LAMP1: variants seen among roughly 807,000 people sequenced by gnomAD.
LAMP1 encodes the protein lysosome associated membrane protein 1.
A neutral mutation model predicts 37.5 loss-of-function variants in LAMP1; 7 were observed. That is an observed-to-expected ratio of 0.19 (90% CI 0.11 to 0.35). The LOEUF (loss-of-function observed/expected upper bound fraction) is 0.35. Among genes scored for constraint, LAMP1 ranks in the 10% least tolerant of loss-of-function variants. LAMP1 has a pLI of 1.00. For missense variants in LAMP1, 537 were observed against 552.8 expected (o/e 0.97, Z 0.29); for synonymous variants, 236 against 229.1 (o/e 1.03, Z -0.27).
chr13:113,299,232 C>T (rs1206533239), intron 1 of LAMP1, among the ~76,000 whole-genome samples: 3 of 152,042 alleles, frequency 2.0e-5, no homozygotes, highest in East Asian at 3.9e-4. Context: ...AATCAGTCTT[C>T]TAAGATCTGT....
rs1345096851 is a variant in LAMP1, at chr13:113,322,761, T to C, written c.*340T>C. Reference sequence around the variant, plus strand: ...TCTCTGAGGGGTGGGGGTGCCGCTCTCTCTGAGGGGGTGGGGGTGCCGCTT... The same window carrying C: ...TCTCTGAGGGGTGGGGGTGCCGCTCCCTCTGAGGGGGTGGGGGTGCCGCTT... On this transcript the variant is annotated 3_prime_UTR_variant, in exon 9 of 9. Coordinates refer to ENST00000332556, the MANE Select transcript of LAMP1 (RefSeq NM_005561.4). 5 of 52,444 alleles carry C rather than the reference T, an allele frequency of 9.5e-5. No individual in the cohort carries two copies. The highest frequency in any genetic ancestry group is 4.4e-4 in the African/African-American group (5 of 11,236). The allele number at this position is 52,444 out of a possible 1,614,324, so 3.2% of individuals were successfully genotyped here. A position where few individuals can be genotyped will look rare whatever the true frequency, so the allele number is the denominator to read the frequency against.
rs191812061 is a variant in LAMP1, at chr13:113,310,807, G to A, written c.502G>A (p.Val168Ile). ...GTQVHMNNVT[V>I]TLHDATIQAY... ...CCAGGTCCACATGAACAACGTGACC[G>A]TAACGCTCCATGATGCCACCATCCA... The change falls in exon 4 of 9, where the codon GTA (valine) becomes ATA (isoleucine). Residue 168 changes from valine to isoleucine, a missense_variant. Coordinates refer to ENST00000332556, the MANE Select transcript of LAMP1 (RefSeq NM_005561.4). 58 of 1,613,840 alleles carry A rather than the reference G, an allele frequency of 3.6e-5. No individual in the cohort carries two copies. The highest frequency in any genetic ancestry group is 1.0e-4 in the Admixed American group (6 of 59,980).
intron 1 of LAMP1, among the ~76,000 whole-genome samples, chr13:113,301,858 C>CTTT (rs539321614): frequency 1.3e-5 from 1 of 74,328 alleles, no homozygotes; most frequent in African/African-American, 5.1e-5. Flanking sequence ...GATGTGATTT[C>CTTT]TTTTTTTTTT....
At position 113,321,740 on chromosome 13, in the gene LAMP1, G is replaced by C. The variant is rs769375292; in HGVS notation, c.1114+13G>C. On this transcript the variant is annotated intron_variant, in intron 8 of 8. Coordinates refer to ENST00000332556, the MANE Select transcript of LAMP1 (RefSeq NM_005561.4). The surrounding 1 kb of genome is among the most constrained non-coding windows in gnomAD (Gnocchi z 5.6). Reference sequence around the variant, plus strand: ...CAGTTTGGCTCTGGTGAGTGTCACCGAGGGCAGCTGTCGCGGGGTGTGGAG... The same window carrying C: ...CAGTTTGGCTCTGGTGAGTGTCACCCAGGGCAGCTGTCGCGGGGTGTGGAG... 2 of 1,612,682 alleles carry C rather than the reference G, an allele frequency of 1.2e-6. No homozygotes were observed. Among genetic ancestry groups the C allele is most frequent in the Non-Finnish European group, 1.7e-6 (2 of 1,179,722 alleles).
At chr13:113,319,392 T>C in intron 4 of LAMP1, 77 bp from the exon 5 acceptor site, 1 of 1,340,536 alleles carries the variant, frequency 7.5e-7, no homozygotes. Flanking sequence ...TAGTTTTGTT[T>C]CTGAGTTTGG....
intron 4 of LAMP1, 52 bp from the exon 5 acceptor site, chr13:113,319,417 G>A: frequency 6.7e-7 from 1 of 1,487,326 alleles, no homozygotes; most frequent in Admixed American, 2.0e-5. Context: ...TACTGTAACT[G>A]CTGATGGTTA....
chr13:113,303,678 T>C (rs2042585078), intron 1 of LAMP1, among the ~76,000 whole-genome samples: 2 of 152,212 alleles, frequency 1.3e-5, no homozygotes, highest in African/African-American at 4.8e-5. Flanking sequence ...AAGTTTATTT[T>C]AATAACTCAA....
In LAMP1 at chr13:113,321,363, A is replaced by G. The variant is rs187470250; in HGVS notation, c.877-41A>G. On this transcript the variant is annotated intron_variant, in intron 6 of 8. Transcript: ENST00000332556. The surrounding 1 kb of genome is among the most constrained non-coding windows in gnomAD (Gnocchi z 5.6). ...TACTGGGGTTAAAGATCATCTTTCTATGAATCTGCTCCGTGATTAAAGATC... is the reference window on the plus strand; with the variant it reads ...TACTGGGGTTAAAGATCATCTTTCTGTGAATCTGCTCCGTGATTAAAGATC... The G allele has an allele frequency of 5.3e-5, 80 of 1,500,636 alleles. 1 individual carries two copies. In the Middle Eastern group the frequency reaches 6.8e-4, roughly 13 times the overall value. 93.0% of individuals were successfully genotyped at this position (1,500,636 alleles called of 1,614,324 possible). A position where few individuals can be genotyped will look rare whatever the true frequency, so the allele number is the denominator to read the frequency against.
intron 1 of LAMP1, among the ~76,000 whole-genome samples, chr13:113,300,813 C>CA (rs979704771): frequency 6.6e-6 from 1 of 151,900 alleles, no homozygotes; most frequent in Non-Finnish European, 1.5e-5. Context: ...GACTCCATCT[C>CA]AAAAAAACAA....
intron 1 of LAMP1, among the ~76,000 whole-genome samples, chr13:113,298,142 C>T (rs2042552464): frequency 6.6e-6 from 1 of 152,186 alleles, no homozygotes; most frequent in Admixed American, 6.5e-5. Context: ...TGAGGGAAAG[C>T]TGGCCTCAGA....
intron 1 of LAMP1, 125 bp from the exon 2 acceptor site, chr13:113,306,360 A>AG: frequency 8.3e-7 from 1 of 1,208,100 alleles, no homozygotes; most frequent in Non-Finnish European, 1.1e-6. Context: ...TCTCAAAAAA[A>AG]AAAAAAGAGA....
intron 2 of LAMP1, among the ~76,000 whole-genome samples, chr13:113,308,176 A>G (rs971643651): frequency 2.0e-4 from 31 of 151,644 alleles, no homozygotes; most frequent in African/African-American, 7.3e-4. Context: ...CACCATGGCC[A>G]GCTAATTATT....
intron 1 of LAMP1, among the ~76,000 whole-genome samples, chr13:113,298,058 G>A (rs1227117679): frequency 2.6e-5 from 4 of 152,202 alleles, no homozygotes; most frequent in Non-Finnish European, 5.9e-5. Context: ...TTATGTTATT[G>A]TGAATTCACA....
intron 2 of LAMP1, among the ~76,000 whole-genome samples, chr13:113,306,834 C>CTTTTTTTTTTTTTTTTTT (rs780041684): frequency 3.7e-5 from 3 of 80,142 alleles, no homozygotes; most frequent in Non-Finnish European, 4.3e-5. Flanking sequence ...GAACATTTTC[C>CTTTTTTTTTTTTTTTTTT]TTTTTTTTTT....
intron 1 of LAMP1, among the ~76,000 whole-genome samples, chr13:113,303,190 T>C (rs954582466): frequency 1.3e-5 from 2 of 152,228 alleles, no homozygotes; most frequent in African/African-American, 4.8e-5. Context: ...GGGATTGGGC[T>C]CTGCTACTGG....
In LAMP1 at chr13:113,320,559, T is replaced by C; in HGVS notation, c.876+89T>C. ...CTGGGTCTGCTCATGGGAGGCAGCG[T>C]TAGGAAGGAGGCGGCCTCACTTTTT... On this transcript the variant is annotated intron_variant, in intron 6 of 8. Transcript: ENST00000332556. The surrounding 1 kb of genome is among the most constrained non-coding windows in gnomAD (Gnocchi z 4.4). The C allele has an allele frequency of 6.9e-7, 1 of 1,445,968 alleles. No homozygotes were observed. Among genetic ancestry groups the C allele is most frequent in the Non-Finnish European group, 9.4e-7 (1 of 1,068,502 alleles). 89.6% of individuals were successfully genotyped at this position (1,445,968 alleles called of 1,614,324 possible). A position where few individuals can be genotyped will look rare whatever the true frequency, so the allele number is the denominator to read the frequency against.
In LAMP1 at chr13:113,321,899, A is replaced by G. The variant is rs888608024; in HGVS notation, c.1114+172A>G. ...AGAGGTAACTCCCCCTGCTTTAGAG[A>G]GGCCCAGCGTGTCTCTCAGCTGGGA... On this transcript the variant is annotated intron_variant, in intron 8 of 8. Transcript: ENST00000332556. The surrounding 1 kb of genome is among the most constrained non-coding windows in gnomAD (Gnocchi z 5.6). The G allele has an allele frequency of 2.8e-5, 18 of 652,066 alleles. No homozygotes were observed. Among genetic ancestry groups the G allele is most frequent in the Non-Finnish European group, 3.9e-5 (15 of 384,402 alleles). The allele number at this position is 652,066 out of a possible 1,614,324, so 40.4% of individuals were successfully genotyped here.
Position 113,319,489 on chromosome 13 carries a change from A to G in LAMP1, c.583A>G (p.Arg195Gly), listed in dbSNP as rs1262563947. The change falls in exon 5 of 9, where the codon AGG (arginine) becomes GGG (glycine). Residue 195 changes from arginine (R) to glycine (G), a missense_variant. Arg to Gly is a moderately radical substitution (Grantham distance 125). Transcript: ENST00000332556. ...TGCAGAGACACGCTGTGAACAAGACAGGCCTTCCCCAACCACAGCGCCCCC... is the reference window on the plus strand; with the variant it reads ...TGCAGAGACACGCTGTGAACAAGACGGGCCTTCCCCAACCACAGCGCCCCC... Reference protein sequence around the residue: ...SRGETRCEQDRPSPTTAPPAP... With the variant: ...SRGETRCEQDGPSPTTAPPAP... 16 of 1,612,884 alleles carry G rather than the reference A, an allele frequency of 9.9e-6. No homozygotes were observed. The highest frequency in any genetic ancestry group is 1.3e-5 in the Non-Finnish European group (15 of 1,179,492).
intron 2 of LAMP1, among the ~76,000 whole-genome samples, chr13:113,306,975 G>A (rs181167943): frequency 7.8e-4 from 117 of 149,258 alleles, no homozygotes; most frequent in African/African-American, 2.8e-3. Context: ...CAGTAGCTGG[G>A]GCTACAGGCG....
Sources: gnomAD v4.1 joint callset for allele counts (sites outside exome capture counted in the v4.1 genomes callset) on GRCh38, gnomAD v4.1.1 for gene constraint, Gnocchi (gnomAD v3.1) non-coding constraint, MANE v1.5 for transcripts, NCBI Gene and HGNC (gene_info 2026-07-23, HGNC 2026-07-21) for gene names.